The following SP110 variants were observed in gnomAD, a reference collection of about 807,000 sequenced individuals.
SP110 encodes SP110 nuclear body protein.
SP110 carries 62 observed loss-of-function variants against 92.7 expected under a neutral mutation model. The ratio of observed to expected loss-of-function variants is 0.67; its 90% CI spans 0.55 to 0.83. The LOEUF is 0.83. Ranked by LOEUF, SP110 falls within the 40% of genes least tolerant of loss-of-function variation. The pLI is 0.00. For synonymous variants in SP110, 273 were observed against 305.3 expected, an observed-to-expected ratio of 0.89 and a Z score of 1.10; for missense variants, 793 against 863.9, an observed-to-expected ratio of 0.92 and a Z score of 1.03.
chr2:230,189,969 T>G (rs1045181035), intron 10 of SP110, among the ~76,000 whole-genome samples: 1 of 152,222 alleles, frequency 6.6e-6, no homozygotes, highest in African/African-American at 2.4e-5. Context: ...AGCATTTGGG[T>G]TGGTTCCACG....
intron 10 of SP110, among the ~76,000 whole-genome samples, chr2:230,191,755 G>T (rs555607096): frequency 1.3e-5 from 2 of 152,166 alleles, no homozygotes; most frequent in African/African-American, 2.4e-5. Flanking sequence ...CAATTGAAAA[G>T]GAGGGAACTC....
chr2:230,190,017 T>C lies in SP110; in HGVS notation c.1130-3874A>G, dbSNP rs2148779519. Among the ~76,000 whole-genome samples, 3 of 152,358 alleles carry C rather than the reference T, an allele frequency of 2.0e-5. No homozygotes were observed. In the South Asian group the frequency reaches 6.2e-4, roughly 32 times the overall value. ...TAAATACTGCTGCGATAAACATACA[T>C]GTGCATGTGTCTTTACAGTAGAATG... On this transcript the variant is annotated intron_variant, in intron 10 of 18. Transcript: ENST00000258381.
Position 230,204,209 on chromosome 2 carries a change from C to G in SP110, c.899-1481G>C, listed in dbSNP as rs569558901. ...AGAGATGTCAAAAGGTCAGAGTTAC[C>G]TCAACAGAACTGACCATCTGACACT... On this transcript the variant is annotated intron_variant, in intron 8 of 18. Transcript: ENST00000258381. 5.3e-5 allele frequency among the ~76,000 whole-genome samples: 8 copies of G among 152,316 alleles called. 1 individual carries two copies. The highest frequency in any genetic ancestry group is 1.9e-4 in the African/African-American group (8 of 41,570).
At chr2:230,214,900 T>C (rs771294876) in intron 3 of SP110, 50 bp downstream of exon 3, 3 of 1,527,612 alleles carry the variant, frequency 2.0e-6, no homozygotes, top group East Asian at 2.2e-5. Flanking sequence ...ACCCAGACTT[T>C]TACCATAGCA....
At chr2:230,214,404 T>C (rs893608402) in intron 3 of SP110, among the ~76,000 whole-genome samples, 20 of 152,334 alleles carry the variant, frequency 1.3e-4, no homozygotes, top group African/African-American at 4.8e-4. Context: ...CAAGTAGGAC[T>C]CTTGCTCTGC....
intron 10 of SP110, among the ~76,000 whole-genome samples, chr2:230,186,390 C>T (rs114035626): frequency 0.011 from 1,642 of 152,214 alleles, 21 homozygotes; most frequent in African/African-American, 0.037. Flanking sequence ...CTGTCTTGCT[C>T]ACTGCTGAGT....
intron 10 of SP110, among the ~76,000 whole-genome samples, chr2:230,191,673 G>C (rs1049222124): frequency 2.6e-5 from 4 of 152,150 alleles, no homozygotes; most frequent in African/African-American, 9.7e-5. Flanking sequence ...CCCAGGACCA[G>C]ATGGATTCAC....
intron 12 of SP110, among the ~76,000 whole-genome samples, chr2:230,180,464 G>C (rs1485748114): frequency 6.6e-6 from 1 of 151,984 alleles, no homozygotes; most frequent in Middle Eastern, 3.2e-3. Flanking sequence ...GAGGAAAAGT[G>C]ATAGTCAAGG....
Position 230,212,806 on chromosome 2 carries a change from C to T in SP110, c.538G>A (p.Val180Ile). 6.2e-7 allele frequency: 1 copy of T among 1,614,130 alleles called. No individual in the cohort carries two copies. The highest frequency in any genetic ancestry group is 8.5e-7 in the Non-Finnish European group (1 of 1,180,022). ...LSESPSPSDPVLPLPALIQEG... is the reference protein window; with the variant it reads ...LSESPSPSDPILPLPALIQEG... ...TGGATGAGTGCAGGGAGAGGCAGGA[C>T]AGGGTCAGATGGGCTGGGCGACTCA... Residue 180 changes from valine to isoleucine, a missense_variant, in exon 4 of 19, where the codon GTC (valine) becomes ATC (isoleucine). Physicochemically the swap from Val to Ile is conservative, Grantham distance 29. Coordinates refer to ENST00000258381, the MANE Select transcript of SP110 (RefSeq NM_080424.4).
intron 3 of SP110, chr2:230,214,174 C>G (rs889969718): frequency 1.3e-5 from 2 of 152,330 alleles, no homozygotes; most frequent in Admixed American, 1.3e-4. Flanking sequence ...AACTCTGCCA[C>G]TGTTCTTTTT....
chr2:230,176,239 C>T (rs1190833804), intron 14 of SP110, among the ~76,000 whole-genome samples: 1 of 151,964 alleles, frequency 6.6e-6, no homozygotes, highest in Admixed American at 6.6e-5. Context: ...TATAGCAATA[C>T]AGAGTCTCAC....
chr2:230,172,407 C>T, intron 15 of SP110: 7 of 592,038 alleles, frequency 1.2e-5, no homozygotes, highest in Non-Finnish European at 1.2e-5. Flanking sequence ...AGTGTGGGCT[C>T]TCTTTTCCCT....
In SP110 at chr2:230,215,052, G is replaced by C; in HGVS notation, c.214C>G (p.Leu72Val). Residue 72 changes from leucine (L) to valine (V), a missense_variant, in exon 3 of 19, where the codon CTG becomes GTG. Coordinates refer to ENST00000258381, the MANE Select transcript of SP110 (RefSeq NM_080424.4). ...SRVVHNILTQ[L>V]ERTFNLSLLV... ...AGAGACAGGTTAAAAGTCCTCTCCA[G>C]TTGGGTGAGAATGTTGTGCACCACT... 1 of 1,613,380 alleles carries C rather than the reference G, an allele frequency of 6.2e-7. No individual in the cohort carries two copies. The highest frequency in any genetic ancestry group is 2.2e-5 in the East Asian group (1 of 44,888).
At chr2:230,212,282 G>A (rs941203298) in intron 5 of SP110, 65 bp downstream of exon 5, 8 of 1,202,884 alleles carry the variant, frequency 6.7e-6, no homozygotes, top group African/African-American at 4.5e-5. Flanking sequence ...CTCTTGGTTG[G>A]CAGACGCATG....
intron 4 of SP110, 74 bp downstream of exon 4, chr2:230,212,687 T>C: frequency 3.1e-5 from 49 of 1,568,264 alleles, no homozygotes; most frequent in Non-Finnish European, 4.3e-5. Context: ...GTCAAGATGC[T>C]GGGATTGGCG....
intron 8 of SP110, among the ~76,000 whole-genome samples, chr2:230,206,134 A>T (rs1340351383): frequency 6.6e-6 from 1 of 152,168 alleles, no homozygotes; most frequent in Admixed American, 6.5e-5. Context: ...TGATAAACTA[A>T]GTCAGGGAAG....
chr2:230,204,017 A>T (rs72982407), intron 8 of SP110, among the ~76,000 whole-genome samples: 6 of 152,090 alleles, frequency 3.9e-5, no homozygotes, highest in Non-Finnish European at 7.4e-5. Context: ...TATTTTACCC[A>T]GGTAAAAAAT....
rs545873012 is a variant in SP110 at position 230,190,740 on chromosome 2, G to A, written c.1130-4597C>T. Among the ~76,000 whole-genome samples the A allele has an allele frequency of 2.5e-3, 387 of 152,344 alleles. 1 individual carries two copies. Among genetic ancestry groups the A allele is most frequent in the African/African-American group, 8.6e-3 (356 of 41,582 alleles). On this transcript the variant is annotated intron_variant, in intron 10 of 18. Transcript: ENST00000258381. ...TCTTCAGTTATTTTTTGTATAAGAT[G>A]TGAGGAAGGGGTCCAGTTTCAGTTT...
intron 10 of SP110, among the ~76,000 whole-genome samples, chr2:230,190,965 C>T (rs76970315): frequency 5.9e-5 from 9 of 152,082 alleles, no homozygotes; most frequent in Admixed American, 1.3e-4. Context: ...GTAGCCTTGT[C>T]GTATTGTTCA....
Sources: gnomAD v4.1 joint callset for allele counts (sites outside exome capture counted in the v4.1 genomes callset) on GRCh38, gnomAD v4.1.1 for gene constraint, MANE v1.5 for transcripts, NCBI Gene and HGNC (gene_info 2026-07-23, HGNC 2026-07-21) for gene names.